The following CSTPP1 variants were observed in gnomAD, a reference collection of about 807,000 sequenced individuals.
CSTPP1 encodes centriolar satellite-associated tubulin polyglutamylase complex regulator 1.
At chr11:46,961,003 C>T in the CSTPP1 span, among the ~76,000 whole-genome samples, 1 of 152,104 alleles carries the variant, frequency 6.6e-6, no homozygotes, top group East Asian at 1.9e-4. Flanking sequence ...ATTTTCACTA[C>T]TTGGATTTTA....
the CSTPP1 span, among the ~76,000 whole-genome samples, chr11:47,045,458 T>C: frequency 1.3e-5 from 2 of 152,218 alleles, no homozygotes; most frequent in Non-Finnish European, 1.5e-5. Context: ...TGAATACTTA[T>C]ATGTTTCACT....
the CSTPP1 span, chr11:47,159,800 T>A: frequency 2.3e-6 from 1 of 436,128 alleles, no homozygotes; most frequent in African/African-American, 2.0e-5. Context: ...AGGTCAGGAG[T>A]TCGAGACCAG....
the CSTPP1 span, among the ~76,000 whole-genome samples, chr11:47,092,648 C>G: frequency 1.3e-5 from 2 of 152,198 alleles, no homozygotes; most frequent in South Asian, 2.1e-4. Flanking sequence ...ACTCCAATGT[C>G]ATTTGAGAAA....
the CSTPP1 span, among the ~76,000 whole-genome samples, chr11:47,086,737 GAGT>G: frequency 3.3e-5 from 5 of 152,138 alleles, no homozygotes; most frequent in Admixed American, 6.5e-5. Context: ...CTACTTCATA[GAGT>G]AGTCCTGATG....
At chr11:47,056,438 A>G in the CSTPP1 span, among the ~76,000 whole-genome samples, 1 of 152,202 alleles carries the variant, frequency 6.6e-6, no homozygotes, top group Non-Finnish European at 1.5e-5. Flanking sequence ...TTCATATAGC[A>G]TTTGGACTCT....
At chr11:47,129,279 G>A in the CSTPP1 span, among the ~76,000 whole-genome samples, 1 of 152,208 alleles carries the variant, frequency 6.6e-6, no homozygotes, top group Non-Finnish European at 1.5e-5. Flanking sequence ...CTAGGCTGGA[G>A]TCACTTCTTT....
chr11:46,980,069 CAAACAAACAAAA>C, the CSTPP1 span, among the ~76,000 whole-genome samples: 2 of 151,814 alleles, frequency 1.3e-5, no homozygotes, highest in African/African-American at 4.8e-5. Context: ...ATAAAACAAA[CAAACAAACAAAA>C]AAACAAAAAA....
the CSTPP1 span, among the ~76,000 whole-genome samples, chr11:47,029,644 AT>A: frequency 5.3e-4 from 81 of 151,650 alleles, no homozygotes; most frequent in African/African-American, 1.7e-3. Flanking sequence ...TAATTTCATA[AT>A]TTTTCCCAAG....
the CSTPP1 span, chr11:47,158,028 C>A: frequency 1.0e-6 from 1 of 987,920 alleles, no homozygotes; most frequent in Non-Finnish European, 1.6e-6. Context: ...ATCACCATCT[C>A]TGCCTTGACT....
At chr11:46,939,429 G>T in the CSTPP1 span, among the ~76,000 whole-genome samples, 1 of 151,822 alleles carries the variant, frequency 6.6e-6, no homozygotes, top group Non-Finnish European at 1.5e-5. Flanking sequence ...TTTACATTTT[G>T]TTTAACTTAT....
At chr11:47,075,285 C>T in the CSTPP1 span, among the ~76,000 whole-genome samples, 3 of 93,196 alleles carry the variant, frequency 3.2e-5, no homozygotes, top group South Asian at 7.7e-4. Context: ...GCAGGAGAAT[C>T]GGTTGAACCC....
At chr11:47,139,154 T>TA in the CSTPP1 span, among the ~76,000 whole-genome samples, 3 of 152,322 alleles carry the variant, frequency 2.0e-5, no homozygotes, top group East Asian at 3.9e-4. Context: ...CTAATCCTTG[T>TA]AAAAACTGTT....
At chr11:47,115,839 T>C in the CSTPP1 span, among the ~76,000 whole-genome samples, 1 of 152,164 alleles carries the variant, frequency 6.6e-6, no homozygotes, top group Admixed American at 6.5e-5. Flanking sequence ...CTGATCTTAG[T>C]TATTTCTTGC....
At chr11:47,093,118 T>C in the CSTPP1 span, among the ~76,000 whole-genome samples, 1 of 152,246 alleles carries the variant, frequency 6.6e-6, no homozygotes, top group Non-Finnish European at 1.5e-5. Context: ...ATTACACGTA[T>C]TGTGTTACAC....
At chr11:47,119,364 G>A in the CSTPP1 span, among the ~76,000 whole-genome samples, 26 of 152,130 alleles carry the variant, frequency 1.7e-4, no homozygotes, top group Non-Finnish European at 1.6e-4. Flanking sequence ...AGTCTGTCAC[G>A]GCTCCCCTTG....
chr11:47,069,545 A>C, the CSTPP1 span, among the ~76,000 whole-genome samples: 1 of 152,160 alleles, frequency 6.6e-6, no homozygotes, highest in Admixed American at 6.5e-5. Flanking sequence ...AAAAATAGTT[A>C]CTCCACCTGG....
chr11:47,078,527 T>G, the CSTPP1 span, among the ~76,000 whole-genome samples: 1 of 152,134 alleles, frequency 6.6e-6, no homozygotes, highest in Non-Finnish European at 1.5e-5. Context: ...AGGTCAACGA[T>G]GCAAGCGTAA....
the CSTPP1 span, among the ~76,000 whole-genome samples, chr11:47,030,431 G>T: frequency 6.6e-6 from 1 of 152,270 alleles, no homozygotes; most frequent in South Asian, 2.1e-4. Context: ...TGGTCCTCTT[G>T]CCCATGTCTT....
chr11:47,161,405 G>C, the CSTPP1 span: 1 of 1,603,436 alleles, frequency 6.2e-7, no homozygotes, highest in South Asian at 1.1e-5. Flanking sequence ...TGGGCATGGA[G>C]GCCCTGCTCT....
Sources: gnomAD v4.1 joint callset for allele counts (sites outside exome capture counted in the v4.1 genomes callset) on GRCh38, gnomAD v4.1.1 for gene constraint, MANE v1.5 for transcripts, NCBI Gene and HGNC (gene_info 2026-07-23, HGNC 2026-07-21) for gene names.